RBM47: variants seen among roughly 807,000 people sequenced by gnomAD.
The protein encoded by RBM47 is RNA-binding protein 47.
Under a neutral mutation model 47.1 loss-of-function variants are expected in RBM47, and 21 were observed. That is an observed-to-expected ratio of 0.45 (90% CI 0.32 to 0.64). RBM47 has a LOEUF of 0.64. Among genes scored for constraint, RBM47 ranks in the 30% least tolerant of loss-of-function variants. The pLI is 0.05. For synonymous variants in RBM47, 375 were observed against 361.7 expected, an observed-to-expected ratio of 1.04 and a Z score of -0.42; for missense variants, 708 against 870.9, an observed-to-expected ratio of 0.81 and a Z score of 2.35.
intron 3 of RBM47, among the ~76,000 whole-genome samples, chr4:40,460,005 C>T (rs576965243): frequency 9.8e-5 from 15 of 152,308 alleles, no homozygotes; most frequent in African/African-American, 3.6e-4. Flanking sequence ...ATCCACCCGC[C>T]TCGGCCTCTC....
chr4:40,476,648 C>G (rs1719650942), intron 2 of RBM47, among the ~76,000 whole-genome samples: 1 of 152,018 alleles, frequency 6.6e-6, no homozygotes, highest in Non-Finnish European at 1.5e-5. Flanking sequence ...GGAACCTCAT[C>G]GAAAGTCTCT....
At chr4:40,454,587 T>C (rs1715946871) in intron 3 of RBM47, among the ~76,000 whole-genome samples, 1 of 152,200 alleles carries the variant, frequency 6.6e-6, no homozygotes, top group African/African-American at 2.4e-5. Context: ...AATCTCCGCC[T>C]CCTGGGTTCA....
intron 1 of RBM47, among the ~76,000 whole-genome samples, chr4:40,601,091 G>A (rs77953099): frequency 0.018 from 2,748 of 151,766 alleles, 93 homozygotes; most frequent in African/African-American, 0.062. Context: ...AACCATCACC[G>A]TAAGAATTCA....
At chr4:40,531,407 A>G (rs1727374748) in intron 2 of RBM47, among the ~76,000 whole-genome samples, 1 of 151,780 alleles carries the variant, frequency 6.6e-6, no homozygotes, top group African/African-American at 2.4e-5. Context: ...GTCCTAGGAC[A>G]AGGAGGATGC....
chr4:40,429,444 C>T (rs1715548201), intron 6 of RBM47, among the ~76,000 whole-genome samples: 1 of 151,908 alleles, frequency 6.6e-6, no homozygotes, highest in Non-Finnish European at 1.5e-5. Flanking sequence ...TTTCAGGCAT[C>T]CACTGGGGGT....
intron 3 of RBM47, among the ~76,000 whole-genome samples, chr4:40,457,435 A>AC (rs1716457090): frequency 6.6e-6 from 1 of 151,706 alleles, no homozygotes; most frequent in South Asian, 2.1e-4. Context: ...AAAAAAAAAA[A>AC]AAACAAAAAA....
At chr4:40,448,018 T>TAAAAATAA (rs1714809295) in intron 3 of RBM47, among the ~76,000 whole-genome samples, 1 of 139,670 alleles carries the variant, frequency 7.2e-6, no homozygotes, top group East Asian at 2.1e-4. Flanking sequence ...CTCAAAAAAA[T>TAAAAATAA]AAAAATAAAA....
chr4:40,592,980 T>TATATATATATGTA (rs1351070314), intron 1 of RBM47, among the ~76,000 whole-genome samples: 2 of 12,068 alleles, frequency 1.7e-4, no homozygotes. Flanking sequence ...TATATATATA[T>TATATATATATGTA]TTTTTTTTTT....
rs532864136 is a variant in RBM47, at chr4:40,589,627, C to T, written c.-240+39769G>A. 1.6e-4 allele frequency among the ~76,000 whole-genome samples: 24 copies of T among 150,656 alleles called. No homozygotes were observed. The East Asian group carries it at 4.6e-3, about 29-fold the overall frequency. ...AATTTTTTTGTATTTTTAGTAGAGA[C>T]GGGGTTTCACCATGTTGGCTAGGCT... On this transcript the variant is annotated intron_variant, in intron 1 of 6. Coordinates refer to ENST00000295971, the MANE Select transcript of RBM47 (RefSeq NM_001098634.2).
At position 40,423,658 on chromosome 4, in the gene RBM47, TTC is replaced by T. The variant is rs1257198487; in HGVS notation, c.*2244_*2245del. On this transcript the variant is annotated 3_prime_UTR_variant, in exon 7 of 7. Coordinates refer to ENST00000295971, the MANE Select transcript of RBM47 (RefSeq NM_001098634.2). ...TTTTTTATTCTTTCTTTCTTTTTCT[TTC>T]TTTCTTTCTTTCTTTCTTTCTTTCT... is the stretch of plus-strand genomic sequence containing the variant. 8 of 26,586 alleles carry T rather than the reference TTC, an allele frequency of 3.0e-4. No homozygotes were observed. Among genetic ancestry groups the T allele is most frequent in the Admixed American group, 1.6e-3 (4 of 2,428 alleles). 1.6% of individuals were successfully genotyped at this position (26,586 alleles called of 1,614,324 possible). A position where few individuals can be genotyped will look rare whatever the true frequency, so the allele number is the denominator to read the frequency against.
chr4:40,522,100 C>T (rs1726248628), intron 2 of RBM47, among the ~76,000 whole-genome samples: 1 of 152,184 alleles, frequency 6.6e-6, no homozygotes, highest in Admixed American at 6.5e-5. Flanking sequence ...CAGAATCATG[C>T]ATGGGTAAGC....
At chr4:40,564,099 G>C (rs547120799) in intron 1 of RBM47, among the ~76,000 whole-genome samples, 60 of 152,118 alleles carry the variant, frequency 3.9e-4, no homozygotes, top group African/African-American at 1.3e-3. Context: ...AAGGTGTAGA[G>C]GTCACCACCT....
Position 40,559,571 on chromosome 4 carries a change from T to G in RBM47, c.-239-15065A>C, listed in dbSNP as rs76099435. 2.2e-4 allele frequency among the ~76,000 whole-genome samples: 33 copies of G among 152,348 alleles called. No individual in the cohort carries two copies. In the East Asian group the frequency reaches 6.0e-3, roughly 28 times the overall value. On this transcript the variant is annotated intron_variant, in intron 1 of 6. Transcript: ENST00000295971. ...GAAAAACTGAGGTGTTGTTTAAATATAAAAGATTCTATCTTTGTTCCTGTG... is the reference window on the plus strand; with the variant it reads ...GAAAAACTGAGGTGTTGTTTAAATAGAAAAGATTCTATCTTTGTTCCTGTG...
At chr4:40,595,238 G>C (rs1318113261) in intron 1 of RBM47, among the ~76,000 whole-genome samples, 1 of 152,174 alleles carries the variant, frequency 6.6e-6, no homozygotes, top group Admixed American at 6.5e-5. Context: ...GCTCATGCCT[G>C]TATTCCCAGC....
In RBM47 at chr4:40,424,245, C is replaced by T. The variant is rs1369116242; in HGVS notation, c.*1659G>A. ...AGTGGAAAATTGTATGGATCTCTAA[C>T]ATGACATAAAAACGCAACTGCGTTT... On this transcript the variant is annotated 3_prime_UTR_variant, in exon 7 of 7. Coordinates refer to ENST00000295971, the MANE Select transcript of RBM47 (RefSeq NM_001098634.2). The T allele has an allele frequency of 6.6e-6, 1 of 152,596 alleles. No homozygotes were observed. Among genetic ancestry groups the T allele is most frequent in the Non-Finnish European group, 1.5e-5 (1 of 68,042 alleles). The allele number at this position is 152,596 out of a possible 1,614,324, so 9.5% of individuals were successfully genotyped here.
At chr4:40,511,347 G>A (rs1450938671) in intron 2 of RBM47, among the ~76,000 whole-genome samples, 3 of 152,166 alleles carry the variant, frequency 2.0e-5, no homozygotes, top group African/African-American at 7.2e-5. Flanking sequence ...AGAAATTTCA[G>A]CCTCATGACA....
intron 1 of RBM47, among the ~76,000 whole-genome samples, chr4:40,611,923 G>A (rs1736297443): frequency 6.6e-6 from 1 of 152,040 alleles, no homozygotes; most frequent in Non-Finnish European, 1.5e-5. Context: ...ATACATGAGA[G>A]GTGTAATAAA....
intron 2 of RBM47, among the ~76,000 whole-genome samples, chr4:40,519,708 T>C (rs1376742634): frequency 2.1e-5 from 3 of 144,920 alleles, no homozygotes; most frequent in Non-Finnish European, 4.5e-5. Context: ...TCGCTATTGT[T>C]GCCCAGGCTG....
chr4:40,576,619 G>A (rs1398979438), intron 1 of RBM47, among the ~76,000 whole-genome samples: 1 of 152,148 alleles, frequency 6.6e-6, no homozygotes, highest in African/African-American at 2.4e-5. Flanking sequence ...CCAGGCTGGA[G>A]TGCAGTGGCA....
Sources: allele counts gnomAD v4.1 joint callset (sites outside exome capture counted in the v4.1 genomes callset), GRCh38; gene constraint gnomAD v4.1.1; transcripts MANE v1.5; gene names NCBI Gene and HGNC (gene_info 2026-07-23, HGNC 2026-07-21).